The following EPCIP variants were observed in gnomAD, a reference collection of about 807,000 sequenced individuals.
EPCIP encodes exosomal polycystin 1 interacting protein.
chr21:32,806,053 C>A, the EPCIP span, among the ~76,000 whole-genome samples: 1 of 152,032 alleles, frequency 6.6e-6, no homozygotes, highest in Non-Finnish European at 1.5e-5. Context: ...GGGACAGTGG[C>A]ATTTGTGTCT....
the EPCIP span, among the ~76,000 whole-genome samples, chr21:32,795,233 C>A: frequency 6.6e-6 from 1 of 152,174 alleles, no homozygotes; most frequent in Admixed American, 6.5e-5. Context: ...AATTTATGAA[C>A]TGATCTTGTC....
At chr21:32,809,356 T>C in the EPCIP span, among the ~76,000 whole-genome samples, 2 of 147,410 alleles carry the variant, frequency 1.4e-5, no homozygotes, top group African/African-American at 5.0e-5. Context: ...TCTTTCTTTC[T>C]TTTTCCTCTC....
chr21:32,795,529 C>T, the EPCIP span, among the ~76,000 whole-genome samples: 7 of 152,308 alleles, frequency 4.6e-5, no homozygotes, highest in East Asian at 9.6e-4. Context: ...CAGTCTTCTC[C>T]ATTTGCTAAG....
At chr21:32,806,306 G>A in the EPCIP span, among the ~76,000 whole-genome samples, 7 of 152,170 alleles carry the variant, frequency 4.6e-5, no homozygotes, top group South Asian at 2.1e-4. Flanking sequence ...GAACAGACTG[G>A]GGCTACCCCT....
At chr21:32,793,851 T>C in the EPCIP span, 1 of 1,614,136 alleles carries the variant, frequency 6.2e-7, no homozygotes. Flanking sequence ...TTGGCAATGC[T>C]GGTAACGTTT....
the EPCIP span, chr21:32,794,168 G>A: frequency 7.4e-4 from 1,199 of 1,614,240 alleles, 4 homozygotes; most frequent in South Asian, 3.4e-3. Context: ...AGATGTGTCC[G>A]TGAACCAGAT....
At chr21:32,794,113 C>T in the EPCIP span, 1 of 1,614,220 alleles carries the variant, frequency 6.2e-7, no homozygotes, top group Non-Finnish European at 8.5e-7. Context: ...ACAGGGAAAG[C>T]TTCAGGTCTT....
the EPCIP span, chr21:32,798,688 G>A: frequency 6.6e-6 from 1 of 151,296 alleles, no homozygotes; most frequent in African/African-American, 2.4e-5. Context: ...AATATGGCTG[G>A]GCACAATGGC....
chr21:32,793,577 G>A, the EPCIP span: 168 of 673,864 alleles, frequency 2.5e-4, no homozygotes, highest in South Asian at 1.4e-3. Context: ...AAGTGTTCTC[G>A]CAGTTGGGCA....
the EPCIP span, chr21:32,796,955 A>C: frequency 8.5e-6 from 4 of 471,000 alleles, no homozygotes; most frequent in African/African-American, 8.0e-5. Context: ...ATCCTTTTAG[A>C]GGCAGCCGTG....
chr21:32,809,916 A>T, the EPCIP span, among the ~76,000 whole-genome samples: 109,081 of 151,840 alleles, frequency 0.72, 39,967 homozygotes, highest in East Asian at 0.91. Context: ...AAAAAAAAAA[A>T]GAGCTTTTGT....
the EPCIP span, among the ~76,000 whole-genome samples, chr21:32,803,525 G>C: frequency 6.6e-6 from 1 of 152,212 alleles, no homozygotes; most frequent in African/African-American, 2.4e-5. Context: ...GAGGGCTTTA[G>C]CTGTAGGACC....
the EPCIP span, among the ~76,000 whole-genome samples, chr21:32,808,364 AT>A: frequency 1.3e-5 from 2 of 152,122 alleles, no homozygotes; most frequent in African/African-American, 4.8e-5. Flanking sequence ...ATAAAAGAGA[AT>A]TCAGATCTTC....
chr21:32,794,169 T>C, the EPCIP span: 393 of 1,614,272 alleles, frequency 2.4e-4, 2 homozygotes, highest in Middle Eastern at 3.3e-4. Flanking sequence ...GATGTGTCCG[T>C]GAACCAGATG....
the EPCIP span, among the ~76,000 whole-genome samples, chr21:32,795,630 G>A: frequency 6.6e-6 from 1 of 152,210 alleles, no homozygotes; most frequent in African/African-American, 2.4e-5. Flanking sequence ...GGGCCAGGGA[G>A]CCACAGATGG....
At chr21:32,799,787 C>A in the EPCIP span, among the ~76,000 whole-genome samples, 108 of 152,194 alleles carry the variant, frequency 7.1e-4, no homozygotes, top group African/African-American at 2.5e-3. Flanking sequence ...ACTAAAAATA[C>A]AAAAATTAGC....
At chr21:32,802,081 T>G in the EPCIP span, among the ~76,000 whole-genome samples, 1 of 152,172 alleles carries the variant, frequency 6.6e-6, no homozygotes, top group African/African-American at 2.4e-5. Context: ...AAGACAGGGT[T>G]AGACAGGACC....
chr21:32,794,130 G>C, the EPCIP span: 1 of 1,614,242 alleles, frequency 6.2e-7, no homozygotes, highest in Non-Finnish European at 8.5e-7. Context: ...TCTTGGACCA[G>C]CGTGAAGTTC....
the EPCIP span, chr21:32,793,905 C>T: frequency 6.2e-7 from 1 of 1,614,122 alleles, no homozygotes; most frequent in South Asian, 1.1e-5. Context: ...TTGAAAAGAG[C>T]CATATCTAAG....
Sources: allele counts gnomAD v4.1 joint callset (sites outside exome capture counted in the v4.1 genomes callset), GRCh38; gene constraint gnomAD v4.1.1; transcripts MANE v1.5; gene names NCBI Gene and HGNC (gene_info 2026-07-23, HGNC 2026-07-21).